Variants in CCDC73 observed in about 807,000 individuals in gnomAD.
CCDC73 encodes coiled-coil domain-containing protein 73.
CCDC73 carries 95 observed loss-of-function variants against 116.5 expected under a neutral mutation model. The ratio of observed to expected loss-of-function variants is 0.82; its 90% CI spans 0.69 to 0.97. The LOEUF is 0.97. Ranked by LOEUF, CCDC73 falls within the 50% of genes least tolerant of loss-of-function variation. The probability of loss-of-function intolerance (pLI) is 0.00; values close to 1 mark genes in which losing one functional copy is unlikely to be tolerated. For missense variants in CCDC73, 1,066 were observed against 1,206.8 expected (o/e 0.88, Z 1.73); for synonymous variants, 398 against 401.3 (o/e 0.99, Z 0.10).
the CCDC73 span, among the ~76,000 whole-genome samples, chr11:32,818,143 G>A: frequency 1.3e-5 from 2 of 152,272 alleles, no homozygotes; most frequent in East Asian, 1.9e-4. Context: ...TGCACTTTCC[G>A]CATGCAATTT....
Position 32,603,017 on chromosome 11 carries a change from T to C in CCDC73, c.3034A>G (p.Lys1012Glu), listed in dbSNP as rs375218866. 16 of 1,589,450 alleles carry C rather than the reference T, an allele frequency of 1.0e-5. No individual in the cohort carries two copies. In the East Asian group the frequency reaches 1.3e-4, roughly 13 times the overall value. ...YDSSFPTEHV[K>E]TKPLISTPLQ... ...GGAGTTGATATCAGAGGCTTTGTTT[T>C]CACCTGGGAAAGATAAACTAATTTT... is the stretch of plus-strand genomic sequence containing the variant. The change falls in exon 18 of 18, where the codon AAA becomes GAA. Residue 1012 changes from lysine to glutamate, a missense_variant. Coordinates refer to ENST00000335185, the MANE Select transcript of CCDC73 (RefSeq NM_001008391.4).
rs1359733767 is a variant in CCDC73 at position 32,614,566 on chromosome 11, TG to T, written c.1751del (p.Ala584AspfsTer32). On this transcript the variant is annotated frameshift_variant, in exon 16 of 18. Transcript: ENST00000335185. LOFTEE classifies it high-confidence loss of function. ...TSFNSILNET[A>X]HNTYHNNNKD... ...TATTATTATTGTGATATGTATTGTGTGCTGTCTCATTTAAAATACTGTTAAA... is the reference window on the plus strand; with the variant it reads ...TATTATTATTGTGATATGTATTGTGTCTGTCTCATTTAAAATACTGTTAAA... The T allele has an allele frequency of 6.2e-7, 1 of 1,612,362 alleles. No individual in the cohort carries two copies. Among genetic ancestry groups the T allele is most frequent in the Non-Finnish European group, 8.5e-7 (1 of 1,178,772 alleles).
intron 1 of CCDC73, among the ~76,000 whole-genome samples, chr11:32,784,535 C>A (rs1850610889): frequency 6.6e-6 from 1 of 152,104 alleles, no homozygotes; most frequent in Non-Finnish European, 1.5e-5. Flanking sequence ...AAAGTTAAAT[C>A]CTTAGTTTCC....
intron 1 of CCDC73, among the ~76,000 whole-genome samples, chr11:32,777,003 A>G (rs1450740337): frequency 7.1e-6 from 1 of 140,564 alleles, no homozygotes; most frequent in African/African-American, 2.6e-5. Flanking sequence ...ATATATATAT[A>G]TATATATATA....
rs1384410299 is a variant in CCDC73, at chr11:32,661,790, C to T, written c.646-6818G>A. On this transcript the variant is annotated intron_variant, in intron 9 of 17. Coordinates refer to ENST00000335185, the MANE Select transcript of CCDC73 (RefSeq NM_001008391.4). ...TGTTGGTGTGCTGCACCCATTAACT[C>T]GTCATTTAGCATTAGATATATCTCC... Among the ~76,000 whole-genome samples, 6 of 151,534 alleles carry T rather than the reference C, an allele frequency of 4.0e-5. No homozygotes were observed. The South Asian group carries it at 1.1e-3, about 27-fold the overall frequency.
chr11:32,706,819 T>A (rs1026489416), intron 3 of CCDC73, among the ~76,000 whole-genome samples: 1 of 152,188 alleles, frequency 6.6e-6, no homozygotes, highest in South Asian at 2.1e-4. Context: ...TACAACATCA[T>A]GCCCATCAAA....
intron 14 of CCDC73, among the ~76,000 whole-genome samples, chr11:32,629,366 T>C (rs1855606481): frequency 6.6e-6 from 1 of 151,034 alleles, no homozygotes; most frequent in African/African-American, 2.4e-5. Flanking sequence ...TCAAACTGCT[T>C]GAAAACAGAC....
intron 14 of CCDC73, among the ~76,000 whole-genome samples, chr11:32,634,742 T>C (rs1369511239): frequency 5.3e-5 from 8 of 152,192 alleles, no homozygotes; most frequent in Non-Finnish European, 1.5e-5. Context: ...AACATGATCA[T>C]ATATTATAGA....
intron 9 of CCDC73, among the ~76,000 whole-genome samples, chr11:32,674,177 A>G (rs1865960854): frequency 6.6e-6 from 1 of 152,224 alleles, no homozygotes; most frequent in Non-Finnish European, 1.5e-5. Flanking sequence ...TTGCATGCCA[A>G]TATAATAAAT....
intron 14 of CCDC73, among the ~76,000 whole-genome samples, chr11:32,630,404 G>A (rs1432808495): frequency 2.6e-5 from 4 of 152,114 alleles, no homozygotes; most frequent in African/African-American, 4.8e-5. Flanking sequence ...GAGTGCAGTG[G>A]TGGATCTCAG....
At chr11:32,829,990 C>G in the CCDC73 span, 4 of 984,376 alleles carry the variant, frequency 4.1e-6, no homozygotes, top group African/African-American at 1.7e-5. Context: ...CCGGGCGCCC[C>G]TCTGCGAACC....
At chr11:32,830,416 G>C in the CCDC73 span, 1 of 1,089,156 alleles carries the variant, frequency 9.2e-7, no homozygotes, top group Non-Finnish European at 1.2e-6. Flanking sequence ...CCTAGGCTTT[G>C]AGTACAACAG....
rs1565083945 is a variant in CCDC73 at position 32,718,165 on chromosome 11, AG to A, written c.136-19del. The A allele has an allele frequency of 6.5e-7, 1 of 1,533,064 alleles. No individual in the cohort carries two copies. The highest frequency in any genetic ancestry group is 1.8e-5 in the Admixed American group (1 of 55,480). 95.0% of individuals were successfully genotyped at this position (1,533,064 alleles called of 1,614,324 possible). On this transcript the variant is annotated intron_variant, in intron 2 of 17. Transcript: ENST00000335185. ...TCTGCTTCCTAAGTCAAAAAGAAAA[AG>A]AAAAGTGCTATAAAAATAAAGACTT...
chr11:32,742,379 C>T (rs1219167744), intron 2 of CCDC73, among the ~76,000 whole-genome samples: 5 of 152,092 alleles, frequency 3.3e-5, no homozygotes, highest in Admixed American at 1.3e-4. Flanking sequence ...CTCACTGTGG[C>T]TTTGATTTGC....
intron 14 of CCDC73, among the ~76,000 whole-genome samples, chr11:32,623,602 C>T (rs2133230409): frequency 6.6e-6 from 1 of 152,264 alleles, no homozygotes; most frequent in East Asian, 1.9e-4. Flanking sequence ...AATTCACCTG[C>T]CTTGGCCCCC....
intron 13 of CCDC73, among the ~76,000 whole-genome samples, chr11:32,640,308 T>C (rs1855721156): frequency 6.6e-6 from 1 of 152,306 alleles, no homozygotes; most frequent in Admixed American, 6.5e-5. Flanking sequence ...AAACTGCTTA[T>C]TTTTCTTAAT....
intron 10 of CCDC73, 53 bp downstream of exon 10, chr11:32,654,791 A>G (rs1382603131): frequency 4.8e-6 from 6 of 1,260,580 alleles, no homozygotes; most frequent in Non-Finnish European, 5.4e-6. Flanking sequence ...TGAAATTCTC[A>G]TAAGTTTTAT....
intron 9 of CCDC73, among the ~76,000 whole-genome samples, chr11:32,664,186 T>A (rs1204883287): frequency 6.6e-6 from 1 of 152,200 alleles, no homozygotes; most frequent in Non-Finnish European, 1.5e-5. Flanking sequence ...AGGATGATGC[T>A]GGCCTCATAA....
intron 17 of CCDC73, among the ~76,000 whole-genome samples, chr11:32,608,830 T>C (rs2133215285): frequency 6.6e-6 from 1 of 152,192 alleles, no homozygotes; most frequent in East Asian, 1.9e-4. Flanking sequence ...GACTTCTGTG[T>C]ACTCGCAGGT....
Sources: gnomAD v4.1 joint callset for allele counts (sites outside exome capture counted in the v4.1 genomes callset) on GRCh38, gnomAD v4.1.1 for gene constraint, MANE v1.5 for transcripts, NCBI Gene and HGNC (gene_info 2026-07-23, HGNC 2026-07-21) for gene names.